The following KATNIP variants were observed in gnomAD, a reference collection of about 807,000 sequenced individuals.
KATNIP encodes the protein katanin-interacting protein.
Under a neutral mutation model 174.0 loss-of-function variants are expected in KATNIP, and 126 were observed. That is an observed-to-expected ratio of 0.72 (90% CI 0.63 to 0.84). The LOEUF (loss-of-function observed/expected upper bound fraction) is 0.84, where lower values mean the gene tolerates loss of function less well. Among genes scored for constraint, KATNIP ranks in the 40% least tolerant of loss-of-function variants. KATNIP has a pLI of 0.00. For synonymous variants in KATNIP, 810 were observed against 835.7 expected (o/e 0.97, Z 0.53); for missense variants, 1,958 against 2,109.7 (o/e 0.93, Z 1.41).
intron 19 of KATNIP, among the ~76,000 whole-genome samples, chr16:27,764,721 C>T (rs1309915818): frequency 1.3e-5 from 2 of 152,212 alleles, no homozygotes; most frequent in African/African-American, 2.4e-5. Flanking sequence ...GTTCTCTCTG[C>T]TCTCAGAATT....
intron 6 of KATNIP, among the ~76,000 whole-genome samples, chr16:27,677,515 T>G (rs2078165125): frequency 1.3e-5 from 2 of 152,006 alleles, no homozygotes; most frequent in Non-Finnish European, 2.9e-5. Context: ...ACACCACAGT[T>G]AATATTAACA....
intron 2 of KATNIP, among the ~76,000 whole-genome samples, chr16:27,601,101 C>A (rs1210416270): frequency 6.6e-6 from 1 of 152,210 alleles, no homozygotes; most frequent in Admixed American, 6.5e-5. Context: ...TATCTCTCTA[C>A]TCCAAGTTCC....
At chr16:27,621,059 G>T (rs2076179521) in intron 3 of KATNIP, among the ~76,000 whole-genome samples, 1 of 152,090 alleles carries the variant, frequency 6.6e-6, no homozygotes, top group South Asian at 2.1e-4. Context: ...AACTATGCAG[G>T]AGGCTAAGGC....
chr16:27,659,042 C>T (rs900489861), intron 6 of KATNIP, among the ~76,000 whole-genome samples: 1 of 152,062 alleles, frequency 6.6e-6, no homozygotes, highest in South Asian at 2.1e-4. Context: ...GCTGGGATTA[C>T]AGGCGTGAGC....
chr16:27,552,578 G>C (rs928185748), intron 1 of KATNIP, among the ~76,000 whole-genome samples: 2 of 150,210 alleles, frequency 1.3e-5, no homozygotes, highest in Non-Finnish European at 3.0e-5. Context: ...GTTTCCCCAT[G>C]TTGGCCAGCT....
In KATNIP at chr16:27,677,902, T is replaced by G. The variant is rs1371921980; in HGVS notation, c.714T>G (p.Thr238=). 1.2e-6 allele frequency: 2 copies of G among 1,614,086 alleles called. No individual in the cohort carries two copies. The highest frequency in any genetic ancestry group is 1.7e-6 in the Non-Finnish European group (2 of 1,180,014). ...HDRPPSSGDW[T]QKDVHGEQET... ...GCCCTCCTTCCAGTGGCGACTGGAC[T>G]CAGAAAGATGTTCACGGGGAACAGG... Residue 238 remains threonine, a synonymous_variant, in exon 7 of 28, where the codon ACT becomes ACG. Transcript: ENST00000261588.
chr16:27,624,358 C>T (rs1200816017), intron 3 of KATNIP, among the ~76,000 whole-genome samples: 1 of 152,206 alleles, frequency 6.6e-6, no homozygotes, highest in Non-Finnish European at 1.5e-5. Context: ...TCCCCACTCA[C>T]TCCTTCACTT....
At chr16:27,682,797 T>A (rs1024831580) in intron 8 of KATNIP, among the ~76,000 whole-genome samples, 1 of 152,070 alleles carries the variant, frequency 6.6e-6, no homozygotes, top group Admixed American at 6.6e-5. Flanking sequence ...CTTTAAGATG[T>A]GAAGAGGTCA....
At chr16:27,613,652 T>C (rs1314213877) in intron 2 of KATNIP, among the ~76,000 whole-genome samples, 1 of 152,192 alleles carries the variant, frequency 6.6e-6, no homozygotes, top group East Asian at 1.9e-4. Flanking sequence ...TAATAATCAC[T>C]ACTTCAAGGG....
At chr16:27,638,947 A>G (rs897967087) in intron 5 of KATNIP, among the ~76,000 whole-genome samples, 5 of 149,434 alleles carry the variant, frequency 3.3e-5, no homozygotes, top group Middle Eastern at 7.0e-3. Context: ...TGCTGGGATT[A>G]ACAGACGTGA....
chr16:27,759,565 C>T (rs977961137), intron 18 of KATNIP, among the ~76,000 whole-genome samples: 3 of 152,188 alleles, frequency 2.0e-5, no homozygotes, highest in African/African-American at 2.4e-5. Context: ...TGGGCCTGCT[C>T]GAGTTCCTGA....
intron 8 of KATNIP, among the ~76,000 whole-genome samples, chr16:27,690,318 A>ATAGATAGG (rs2078672007): frequency 1.2e-5 from 1 of 86,718 alleles, no homozygotes; most frequent in African/African-American, 3.7e-5. Flanking sequence ...CCCATCTCAG[A>ATAGATAGG]TAGATAGATA....
At chr16:27,659,493 GAGCAA>G (rs1464097655) in intron 6 of KATNIP, among the ~76,000 whole-genome samples, 1 of 148,888 alleles carries the variant, frequency 6.7e-6, no homozygotes, top group Non-Finnish European at 1.5e-5. Context: ...CTGGGGGACA[GAGCAA>G]GACCCTGTCT....
At chr16:27,568,767 A>C (rs1325886272) in intron 1 of KATNIP, among the ~76,000 whole-genome samples, 3 of 152,148 alleles carry the variant, frequency 2.0e-5, no homozygotes, top group Non-Finnish European at 4.4e-5. Flanking sequence ...CCGGCCGGAA[A>C]TAAGTTCTTA....
At chr16:27,571,996 GTGTGTGTGTA>G (rs1306348861) in intron 1 of KATNIP, among the ~76,000 whole-genome samples, 1 of 152,098 alleles carries the variant, frequency 6.6e-6, no homozygotes, top group Admixed American at 6.5e-5. Context: ...GGGTGTGTGT[GTGTGTGTGTA>G]TGTGTGTGTG....
At chr16:27,582,865 A>G (rs2090750979) in intron 2 of KATNIP, among the ~76,000 whole-genome samples, 1 of 152,204 alleles carries the variant, frequency 6.6e-6, no homozygotes. Flanking sequence ...AGGGGAAAAT[A>G]TCCTATTTAC....
Position 27,776,915 on chromosome 16 carries a change from C to T in KATNIP, c.4450-13C>T, listed in dbSNP as rs199966850. The T allele has an allele frequency of 1.3e-5, 20 of 1,580,272 alleles. No homozygotes were observed. The highest frequency in any genetic ancestry group is 4.0e-5 in the African/African-American group (3 of 74,326). On this transcript the variant is annotated splice_polypyrimidine_tract_variant and intron_variant, in intron 24 of 27. Transcript: ENST00000261588. The surrounding 1 kb of genome is among the most constrained non-coding windows in gnomAD (Gnocchi z 4.7). ...CAAACATGCCTGTTTTAATTAGTGC[C>T]GCTCTCTGACAGGTGAACCGGGTTT...
intron 14 of KATNIP, among the ~76,000 whole-genome samples, chr16:27,736,152 G>A (rs2080887099): frequency 6.6e-6 from 1 of 152,130 alleles, no homozygotes; most frequent in Admixed American, 6.5e-5. Flanking sequence ...ACAGGCTCAC[G>A]CCATCATGCC....
At chr16:27,730,971 C>A (rs2080654809) in intron 14 of KATNIP, among the ~76,000 whole-genome samples, 2 of 152,190 alleles carry the variant, frequency 1.3e-5, no homozygotes, top group South Asian at 4.1e-4. Flanking sequence ...TTCCTCTGGA[C>A]TTGAGAGTAT....
Sources: allele counts gnomAD v4.1 joint callset (sites outside exome capture counted in the v4.1 genomes callset), GRCh38; gene constraint gnomAD v4.1.1; non-coding constraint Gnocchi (gnomAD v3.1); transcripts MANE v1.5; gene names NCBI Gene and HGNC (gene_info 2026-07-23, HGNC 2026-07-21).